Variants in ATP8B4 observed in about 807,000 individuals in gnomAD.
ATP8B4 encodes ATPase phospholipid transporting 8B4 (putative).
A neutral mutation model predicts 145.6 loss-of-function variants in ATP8B4; 133 were observed. The ratio of observed to expected loss-of-function variants is 0.91; its 90% confidence interval spans 0.79 to 1.05. The LOEUF (loss-of-function observed/expected upper bound fraction) is 1.05. Ranked by LOEUF, ATP8B4 falls within the 50% of genes least tolerant of loss-of-function variation. ATP8B4 has a pLI of 0.00. For missense variants in ATP8B4, 1,458 were observed against 1,425.2 expected (o/e 1.02, Z -0.37); for synonymous variants, 507 against 492.9 (o/e 1.03, Z -0.38).
At chr15:49,884,378 A>T (rs1331885474) in intron 23 of ATP8B4, among the ~76,000 whole-genome samples, 3 of 152,048 alleles carry the variant, frequency 2.0e-5, no homozygotes, top group Non-Finnish European at 4.4e-5. Context: ...AGGCTAGTGG[A>T]TCACTTGAGC....
At chr15:49,965,649 C>T (rs996569773) in intron 13 of ATP8B4, among the ~76,000 whole-genome samples, 2 of 152,102 alleles carry the variant, frequency 1.3e-5, no homozygotes, top group African/African-American at 4.8e-5. Flanking sequence ...AAGGCAGCCC[C>T]GTAAATGAAT....
In ATP8B4 at chr15:49,879,416, T is replaced by C; in HGVS notation, c.2741A>G (p.Tyr914Cys). The change falls in exon 24 of 28, where the codon TAC (tyrosine) becomes TGC (cysteine). Residue 914 changes from tyrosine (Y) to cysteine (C), a missense_variant. Transcript: ENST00000284509. ...QWFITLFNIVYTSLPVLAMGI... is the reference protein window; with the variant it reads ...QWFITLFNIVCTSLPVLAMGI... ...CATGGCTAAAACAGGCAGTGATGTG[T>C]AAACAATGTTAAAAAGGGTGATGAA... is the stretch of plus-strand genomic sequence containing the variant. 6.2e-7 allele frequency: 1 copy of C among 1,613,158 alleles called. No individual in the cohort carries two copies. Among genetic ancestry groups the C allele is most frequent in the Non-Finnish European group, 8.5e-7 (1 of 1,179,434 alleles).
intron 23 of ATP8B4, among the ~76,000 whole-genome samples, chr15:49,884,273 A>T: frequency 6.6e-6 from 1 of 152,262 alleles, no homozygotes; most frequent in Non-Finnish European, 1.5e-5. Flanking sequence ...TGACCACTAC[A>T]TGAAACCACC....
intron 5 of ATP8B4, among the ~76,000 whole-genome samples, chr15:50,041,523 TAAG>T (rs1035357921): frequency 5.3e-5 from 8 of 152,210 alleles, no homozygotes; most frequent in South Asian, 2.1e-4. Context: ...GACAATTCTA[TAAG>T]AAGAGACCCC....
chr15:50,040,771 T>C (rs2051217728), intron 5 of ATP8B4, among the ~76,000 whole-genome samples: 1 of 152,160 alleles, frequency 6.6e-6, no homozygotes, highest in African/African-American at 2.4e-5. Context: ...GGATTAGAAA[T>C]GGTAGTTTCA....
At chr15:50,159,050 C>T (rs1361224975) in intron 1 of ATP8B4, among the ~76,000 whole-genome samples, 1 of 152,178 alleles carries the variant, frequency 6.6e-6, no homozygotes, top group Non-Finnish European at 1.5e-5. Context: ...CCACTGTTGT[C>T]CTATGACCCT....
At chr15:49,925,349 T>C (rs1190871896) in intron 16 of ATP8B4, among the ~76,000 whole-genome samples, 2 of 152,190 alleles carry the variant, frequency 1.3e-5, no homozygotes, top group Non-Finnish European at 2.9e-5. Flanking sequence ...CCCATATCTG[T>C]TTCTGCATTC....
intron 2 of ATP8B4, among the ~76,000 whole-genome samples, chr15:50,088,351 A>G (rs1184880312): frequency 6.6e-6 from 1 of 151,776 alleles, no homozygotes; most frequent in Non-Finnish European, 1.5e-5. Context: ...CTCTAAAAAA[A>G]AAAACAAAAA....
intron 2 of ATP8B4, among the ~76,000 whole-genome samples, chr15:50,088,459 C>A (rs1189710876): frequency 6.6e-6 from 1 of 152,186 alleles, no homozygotes; most frequent in South Asian, 2.1e-4. Flanking sequence ...CTTGACCACA[C>A]CAGGTCCATT....
chr15:50,023,884 T>C (rs906779013), intron 6 of ATP8B4, among the ~76,000 whole-genome samples: 2 of 150,912 alleles, frequency 1.3e-5, no homozygotes, highest in African/African-American at 2.4e-5. Context: ...ATAGGACATA[T>C]GCTGAAAAAT....
chr15:49,881,616 G>C (rs1476059657), intron 23 of ATP8B4, among the ~76,000 whole-genome samples: 1 of 152,178 alleles, frequency 6.6e-6, no homozygotes, highest in Non-Finnish European at 1.5e-5. Flanking sequence ...TGTGGCATGA[G>C]AGAACCTGCA....
chr15:49,954,828 TC>T (rs1206835302), intron 14 of ATP8B4, among the ~76,000 whole-genome samples: 2 of 152,058 alleles, frequency 1.3e-5, no homozygotes, highest in Non-Finnish European at 2.9e-5. Flanking sequence ...ACTGGGTAAT[TC>T]CCAAAAGAAA....
intron 20 of ATP8B4, among the ~76,000 whole-genome samples, chr15:49,911,002 A>G (rs1191249639): frequency 6.6e-6 from 1 of 152,108 alleles, no homozygotes; most frequent in Non-Finnish European, 1.5e-5. Flanking sequence ...AATGAGGAAG[A>G]GAAAGGACTC....
At chr15:50,016,599 G>T in intron 6 of ATP8B4, among the ~76,000 whole-genome samples, 1 of 152,174 alleles carries the variant, frequency 6.6e-6, no homozygotes, top group East Asian at 1.9e-4. Context: ...GAGCTCTGGA[G>T]CTCTGGAGCT....
chr15:50,073,019 TACACACACACAC>T (rs373934302), intron 3 of ATP8B4, among the ~76,000 whole-genome samples: 74 of 32,446 alleles, frequency 2.3e-3, no homozygotes, highest in African/African-American at 9.2e-3. Flanking sequence ...TATATATATA[TACACACACACAC>T]ACACACACAC....
intron 25 of ATP8B4, among the ~76,000 whole-genome samples, chr15:49,870,009 T>A (rs945868362): frequency 2.0e-5 from 3 of 152,222 alleles, no homozygotes; most frequent in Non-Finnish European, 2.9e-5. Flanking sequence ...CCCAGAAGTC[T>A]CATTTCTAGG....
chr15:49,927,641 G>A (rs1454429658), intron 16 of ATP8B4, among the ~76,000 whole-genome samples: 1 of 152,050 alleles, frequency 6.6e-6, no homozygotes, highest in African/African-American at 2.4e-5. Context: ...GCCTGTAATG[G>A]TGACCAATGC....
rs1383365424 is a variant in ATP8B4, at chr15:50,158,812, C to A, written c.-43+23449G>T. Among the ~76,000 whole-genome samples, 3 of 152,278 alleles carry A rather than the reference C, an allele frequency of 2.0e-5. 1 individual carries two copies. Among genetic ancestry groups the A allele is most frequent in the South Asian group, 4.1e-4 (2 of 4,824 alleles). On this transcript the variant is annotated intron_variant, in intron 1 of 3. Transcript: ENST00000558829. ...GTTGATCTATGACCTTACCCCCAAC[C>A]CTGTGCTCTCTGAAACATGTGCTGT...
At chr15:49,955,313 G>A (rs548529396) in intron 14 of ATP8B4, among the ~76,000 whole-genome samples, 80 of 152,212 alleles carry the variant, frequency 5.3e-4, no homozygotes, top group Non-Finnish European at 1.0e-3. Context: ...CATGTACCCC[G>A]ATTCTAAAAC....
Sources: gnomAD v4.1 joint callset for allele counts (sites outside exome capture counted in the v4.1 genomes callset) on GRCh38, gnomAD v4.1.1 for gene constraint, MANE v1.5 for transcripts, NCBI Gene and HGNC (gene_info 2026-07-23, HGNC 2026-07-21) for gene names.